The following PAK1 variants were observed in gnomAD, a reference collection of about 807,000 sequenced individuals.
The protein encoded by PAK1 is p21 (RAC1) activated kinase 1, also known as serine/threonine-protein kinase PAK 1.
PAK1 carries 29 observed loss-of-function variants against 67.4 expected under a neutral mutation model. The observed-to-expected ratio is 0.43, with a 90% confidence interval of 0.32 to 0.59. PAK1 has a LOEUF of 0.59. Among genes scored for constraint, PAK1 ranks in the 20% least tolerant of loss-of-function variants. PAK1 has a pLI of 0.07. For synonymous variants in PAK1, 223 were observed against 237.4 expected (o/e 0.94, Z 0.56); for missense variants, 337 against 670.7 (o/e 0.50, Z 5.50).
In PAK1 at chr11:77,435,580, G is replaced by A. The variant is rs1436302737; in HGVS notation, c.-22+37972C>T. ...CTGATCTCGGCTCACTGCAAGCTCC[G>A]CCTCCCGGGTTCACGCCATTCTCTT... On this transcript the variant is annotated intron_variant, in intron 1 of 14. Coordinates refer to ENST00000356341, the MANE Select transcript of PAK1 (RefSeq NM_002576.5). 1.4e-4 allele frequency among the ~76,000 whole-genome samples: 20 copies of A among 143,462 alleles called. No homozygotes were observed. In the East Asian group the frequency reaches 2.8e-3, roughly 20 times the overall value. The allele number at this position is 143,462 out of a possible 152,430, so 94.1% of individuals were successfully genotyped here.
In PAK1 at chr11:77,329,848, C is replaced by T. The variant is rs1255287475; in HGVS notation, c.1551+2882G>A. On this transcript the variant is annotated intron_variant, in intron 14 of 14. Coordinates refer to ENST00000356341, the MANE Select transcript of PAK1 (RefSeq NM_002576.5). ...AGGAAAAAAAGAAGTCAAATTGTCC[C>T]TGTTTGCAGATGACATGATTGTATA... Among the ~76,000 whole-genome samples the T allele has an allele frequency of 2.6e-5, 4 of 152,296 alleles. No homozygotes were observed. In the East Asian group the frequency reaches 7.7e-4, roughly 29 times the overall value.
chr11:77,490,271 CAGA>C, the PAK1 span, among the ~76,000 whole-genome samples: 1 of 127,902 alleles, frequency 7.8e-6, no homozygotes, highest in African/African-American at 3.2e-5. Context: ...CGCCCCGTCT[CAGA>C]GGGAGGTGGG....
chr11:77,523,971 A>G, the PAK1 span, among the ~76,000 whole-genome samples: 1 of 152,152 alleles, frequency 6.6e-6, no homozygotes. Flanking sequence ...CTGTGTGTCA[A>G]GTCCAATCAG....
At chr11:77,513,346 C>A in the PAK1 span, among the ~76,000 whole-genome samples, 1 of 152,012 alleles carries the variant, frequency 6.6e-6, no homozygotes, top group Non-Finnish European at 1.5e-5. Context: ...GATAATCCTG[C>A]AAGTAAATAA....
intron 1 of PAK1, among the ~76,000 whole-genome samples, chr11:77,423,511 C>G (rs555414332): frequency 6.6e-6 from 1 of 150,926 alleles, no homozygotes; most frequent in African/African-American, 2.4e-5. Context: ...AACATAGTAC[C>G]AACACTCCAT....
chr11:77,369,521 C>T lies in PAK1; in HGVS notation c.477+4807G>A, dbSNP rs974307705. Among the ~76,000 whole-genome samples, 3 of 141,452 alleles carry T rather than the reference C, an allele frequency of 2.1e-5. No individual in the cohort carries two copies. The Admixed American group carries it at 2.3e-4, about 11-fold the overall frequency. 92.8% of individuals were successfully genotyped at this position (141,452 alleles called of 152,430 possible). A position where few individuals can be genotyped will look rare whatever the true frequency, so the allele number is the denominator to read the frequency against. ...GGAGGGCAGTGGCATAATCTCAGCT[C>T]ACTGCAACCTCTGCCTCCCAGGTTC... is the stretch of plus-strand genomic sequence containing the variant. On this transcript the variant is annotated intron_variant, in intron 5 of 14. Coordinates refer to ENST00000356341, the MANE Select transcript of PAK1 (RefSeq NM_002576.5).
At chr11:77,491,291 C>T in the PAK1 span, among the ~76,000 whole-genome samples, 1 of 150,808 alleles carries the variant, frequency 6.6e-6, no homozygotes, top group Non-Finnish European at 1.5e-5. Flanking sequence ...ATGAATCTGT[C>T]AAAAATAATA....
chr11:77,487,848 CAG>C, the PAK1 span, among the ~76,000 whole-genome samples: 3 of 152,194 alleles, frequency 2.0e-5, no homozygotes, highest in African/African-American at 7.2e-5. Flanking sequence ...CACCTGGAGT[CAG>C]GGGAACTCAC....
chr11:77,349,124 CAA>C (rs34167967), intron 9 of PAK1, 113 bp downstream of exon 9: 7,955 of 500,318 alleles, frequency 0.016, no homozygotes, highest in South Asian at 0.017. Context: ...GACCCCATCC[CAA>C]AAAAAAAAAA....
intron 5 of PAK1, among the ~76,000 whole-genome samples, chr11:77,372,449 G>C (rs1948566039): frequency 1.3e-5 from 2 of 152,138 alleles, no homozygotes; most frequent in Non-Finnish European, 2.9e-5. Context: ...AGTAAGAAAG[G>C]ATCCAACAGG....
chr11:77,368,666 T>TC (rs1947947314), intron 5 of PAK1, among the ~76,000 whole-genome samples: 3 of 142,544 alleles, frequency 2.1e-5, no homozygotes, highest in Non-Finnish European at 4.8e-5. Context: ...TTTTATTTAT[T>TC]TTTTTTTTGA....
At chr11:77,405,808 C>T (rs897579666) in intron 1 of PAK1, among the ~76,000 whole-genome samples, 1 of 152,066 alleles carries the variant, frequency 6.6e-6, no homozygotes, top group Admixed American at 6.5e-5. Flanking sequence ...CTTAAACTAT[C>T]TCCACTTCCT....
chr11:77,445,761 G>C (rs1371531288), intron 1 of PAK1, among the ~76,000 whole-genome samples: 1 of 152,090 alleles, frequency 6.6e-6, no homozygotes, highest in Non-Finnish European at 1.5e-5. Flanking sequence ...ACTGTTTGGG[G>C]CCAAGAGAGA....
chr11:77,362,890 A>G (rs1946993178), intron 5 of PAK1, among the ~76,000 whole-genome samples: 1 of 152,262 alleles, frequency 6.6e-6, no homozygotes, highest in Non-Finnish European at 1.5e-5. Flanking sequence ...AAAATGGCGA[A>G]GAACTGTACT....
chr11:77,477,075 C>T (rs1368018544), upstream of PAK1: 2 of 152,176 alleles, frequency 1.3e-5, no homozygotes, highest in Non-Finnish European at 2.9e-5. Flanking sequence ...GAAACTAATA[C>T]AATCTCTAAT....
chr11:77,358,691 C>G, intron 6 of PAK1: 3 of 641,434 alleles, frequency 4.7e-6, no homozygotes, highest in Non-Finnish European at 8.3e-6. Context: ...TTGGGACTAT[C>G]TGCAAACCAA....
chr11:77,505,898 C>T, the PAK1 span, among the ~76,000 whole-genome samples: 6 of 152,278 alleles, frequency 3.9e-5, no homozygotes, highest in African/African-American at 1.2e-4. Flanking sequence ...TAAGAAGGAG[C>T]AATCAGCCCA....
chr11:77,510,565 T>C, the PAK1 span, among the ~76,000 whole-genome samples: 146,810 of 152,324 alleles, frequency 0.96, 70,794 homozygotes, highest in East Asian at 1. Flanking sequence ...TAGGCTCTTC[T>C]TAGGACAATG....
intron 13 of PAK1, among the ~76,000 whole-genome samples, chr11:77,334,664 C>T (rs779877085): frequency 1.1e-4 from 17 of 152,166 alleles, no homozygotes; most frequent in African/African-American, 4.1e-4. Flanking sequence ...AAGGATATCA[C>T]TTCTATGGTT....
Sources: gnomAD v4.1 joint callset for allele counts (sites outside exome capture counted in the v4.1 genomes callset) on GRCh38, gnomAD v4.1.1 for gene constraint, MANE v1.5 for transcripts, NCBI Gene and HGNC (gene_info 2026-07-23, HGNC 2026-07-21) for gene names.